The following VWC2L variants were observed in gnomAD, a reference collection of about 807,000 sequenced individuals.
VWC2L encodes von Willebrand factor C domain containing 2 like.
In VWC2L, 10 loss-of-function variants were observed where a neutral mutation model predicts 21.6. The ratio of observed to expected loss-of-function variants is 0.46; its 90% CI spans 0.29 to 0.78. The LOEUF (loss-of-function observed/expected upper bound fraction) is 0.78, where lower values mean the gene tolerates loss of function less well. VWC2L is among the 30% of genes least tolerant of loss of function. VWC2L has a pLI of 0.10. For synonymous variants in VWC2L, 96 were observed against 94.3 expected (o/e 1.02, Z -0.10); for missense variants, 209 against 277.1 (o/e 0.75, Z 1.74).
chr2:214,423,876 T>C (rs1702478478), intron 2 of VWC2L, among the ~76,000 whole-genome samples: 2 of 152,176 alleles, frequency 1.3e-5, no homozygotes, highest in Admixed American at 6.5e-5. Context: ...CTTTCTCATG[T>C]ATTTTGATGG....
intron 3 of VWC2L, among the ~76,000 whole-genome samples, chr2:214,523,774 G>A (rs1368465365): frequency 6.6e-6 from 1 of 152,136 alleles, no homozygotes; most frequent in Non-Finnish European, 1.5e-5. Flanking sequence ...GTTCAAGGCT[G>A]CAGTGAGCCG....
At chr2:214,447,743 A>T (rs1279122421) in intron 3 of VWC2L, among the ~76,000 whole-genome samples, 1 of 152,144 alleles carries the variant, frequency 6.6e-6, no homozygotes, top group Non-Finnish European at 1.5e-5. Context: ...CATCTGGAAC[A>T]AGAGACTCTA....
chr2:214,457,757 T>C (rs558394865), intron 3 of VWC2L, among the ~76,000 whole-genome samples: 6 of 152,158 alleles, frequency 3.9e-5, no homozygotes, highest in Non-Finnish European at 5.9e-5. Flanking sequence ...TTTGATATGA[T>C]GTATCACATT....
At chr2:214,471,034 T>C (rs1490848961) in intron 3 of VWC2L, among the ~76,000 whole-genome samples, 2 of 151,536 alleles carry the variant, frequency 1.3e-5, no homozygotes, top group Non-Finnish European at 2.9e-5. Context: ...GATTACAAAG[T>C]ACCTTTTTTC....
rs1690240375 is a variant in VWC2L, at chr2:214,577,014, T to A, written c.*1194T>A. ...AAAATTAAAGTGAACCTTTGAAGAG[T>A]CTCTAGGTTGCCCTGGTAATGCTGC... On this transcript the variant is annotated 3_prime_UTR_variant, in exon 4 of 4. Coordinates refer to ENST00000312504, the MANE Select transcript of VWC2L (RefSeq NM_001080500.4). 1 of 151,988 alleles carries A rather than the reference T, an allele frequency of 6.6e-6. No homozygotes were observed. The highest frequency in any genetic ancestry group is 1.5e-5 in the Non-Finnish European group (1 of 68,010). The allele number at this position is 151,988 out of a possible 1,614,324, so 9.4% of individuals were successfully genotyped here.
chr2:214,471,993 T>G (rs1703315845), intron 3 of VWC2L, among the ~76,000 whole-genome samples: 2 of 152,154 alleles, frequency 1.3e-5, no homozygotes, highest in Non-Finnish European at 2.9e-5. Context: ...TTTTTCTCAT[T>G]TGTCTCTTCT....
chr2:214,472,954 T>G (rs1371125773), intron 3 of VWC2L, among the ~76,000 whole-genome samples: 1 of 152,214 alleles, frequency 6.6e-6, no homozygotes, highest in Admixed American at 6.5e-5. Context: ...ATCACCATTT[T>G]TGAATGATAA....
At chr2:214,539,209 A>T (rs1020595789) in intron 3 of VWC2L, among the ~76,000 whole-genome samples, 1 of 152,158 alleles carries the variant, frequency 6.6e-6, no homozygotes, top group Non-Finnish European at 1.5e-5. Flanking sequence ...TGCAAAGGGG[A>T]TGTAAATCAA....
chr2:214,436,775 T>A lies in VWC2L; in HGVS notation c.520+17T>A, dbSNP rs779044835. The A allele has an allele frequency of 6.2e-7, 1 of 1,612,468 alleles. No individual in the cohort carries two copies. Among genetic ancestry groups the A allele is most frequent in the South Asian group, 1.1e-5 (1 of 91,050 alleles). The stretch of plus-strand genomic sequence containing the variant: ...GCAAAAATGGTAAGACCACACTGCA[T>A]TAGCTTTTGAAGAGGGGTTCGCACA... On this transcript the variant is annotated intron_variant, in intron 3 of 3. Coordinates refer to ENST00000312504, the MANE Select transcript of VWC2L (RefSeq NM_001080500.4).
rs1339664462 is a variant in VWC2L, at chr2:214,499,618, G to A, written c.520+62860G>A. 6.6e-5 allele frequency among the ~76,000 whole-genome samples: 10 copies of A among 152,054 alleles called. No homozygotes were observed. The South Asian group carries it at 8.3e-4, about 13-fold the overall frequency. Reference sequence around the variant, plus strand: ...GTATACATATGTACCAAACCTGCACGTTGTGCATATGTACCTAGAACTTAA... The same window carrying A: ...GTATACATATGTACCAAACCTGCACATTGTGCATATGTACCTAGAACTTAA... On this transcript the variant is annotated intron_variant, in intron 3 of 3. Coordinates refer to ENST00000312504, the MANE Select transcript of VWC2L (RefSeq NM_001080500.4).
At chr2:214,555,413 C>T (rs1253184340) in intron 3 of VWC2L, among the ~76,000 whole-genome samples, 4 of 152,164 alleles carry the variant, frequency 2.6e-5, no homozygotes, top group African/African-American at 7.2e-5. Flanking sequence ...GAATAAATTC[C>T]TTCAAATATT....
intron 3 of VWC2L, among the ~76,000 whole-genome samples, chr2:214,471,421 T>G (rs1429126894): frequency 6.6e-6 from 1 of 152,200 alleles, no homozygotes; most frequent in Non-Finnish European, 1.5e-5. Context: ...GTAGGTTGAA[T>G]GAGATTAAAA....
At position 214,480,864 on chromosome 2, in the gene VWC2L, C is replaced by CAAAAAAAAAAA. The variant is rs59720596; in HGVS notation, c.520+44120_520+44130dup. The stretch of plus-strand genomic sequence containing the variant: ...TTATTCAGAGGTCCATATGCCAAGC[C>CAAAAAAAAAAA]AAAAAAAAAAAAAAAAAAAAAAAAG... On this transcript the variant is annotated intron_variant, in intron 3 of 3. Coordinates refer to ENST00000312504, the MANE Select transcript of VWC2L (RefSeq NM_001080500.4). Among the ~76,000 whole-genome samples, 12 of 71,760 alleles carry CAAAAAAAAAAA rather than the reference C, an allele frequency of 1.7e-4. 1 individual carries two copies. The highest frequency in any genetic ancestry group is 6.0e-4 in the African/African-American group (11 of 18,428). 47.1% of individuals were successfully genotyped at this position (71,760 alleles called of 152,430 possible). A position where few individuals can be genotyped will look rare whatever the true frequency, so the allele number is the denominator to read the frequency against.
intron 2 of VWC2L, among the ~76,000 whole-genome samples, chr2:214,428,392 T>C (rs1436405616): frequency 1.3e-5 from 2 of 152,210 alleles, no homozygotes; most frequent in Non-Finnish European, 2.9e-5. Context: ...CATTATCATA[T>C]AGCCAAGTTC....
At chr2:214,552,204 C>A (rs1689805592) in intron 3 of VWC2L, among the ~76,000 whole-genome samples, 1 of 152,152 alleles carries the variant, frequency 6.6e-6, no homozygotes, top group African/African-American at 2.4e-5. Context: ...TCACTACTGG[C>A]TTTTTCCTTT....
chr2:214,426,048 C>T (rs1332266615), intron 2 of VWC2L, among the ~76,000 whole-genome samples: 1 of 151,300 alleles, frequency 6.6e-6, no homozygotes, highest in Non-Finnish European at 1.5e-5. Flanking sequence ...GGTGGGTGCC[C>T]ATAGTCCCAG....
chr2:214,427,212 G>C (rs949384925), intron 2 of VWC2L, among the ~76,000 whole-genome samples: 1 of 151,880 alleles, frequency 6.6e-6, no homozygotes, highest in African/African-American at 2.4e-5. Context: ...ATATGACAGA[G>C]AAAAAAACAA....
At chr2:214,421,710 G>A (rs867726996) in intron 2 of VWC2L, among the ~76,000 whole-genome samples, 1 of 151,770 alleles carries the variant, frequency 6.6e-6, no homozygotes, top group Non-Finnish European at 1.5e-5. Context: ...GAGAGAAGAT[G>A]AAGCTGAAAA....
chr2:214,574,498 T>A (rs1003744257), intron 3 of VWC2L, among the ~76,000 whole-genome samples: 2 of 152,210 alleles, frequency 1.3e-5, no homozygotes, highest in Non-Finnish European at 2.9e-5. Context: ...TTTCATTTAT[T>A]TGATGGTAAA....
Sources: gnomAD v4.1 joint callset for allele counts (sites outside exome capture counted in the v4.1 genomes callset) on GRCh38, gnomAD v4.1.1 for gene constraint, MANE v1.5 for transcripts, NCBI Gene and HGNC (gene_info 2026-07-23, HGNC 2026-07-21) for gene names.